The following ATM variants were observed in gnomAD, a reference collection of about 807,000 sequenced individuals.
ATM encodes the protein serine-protein kinase ATM.
Under a neutral mutation model 387.0 loss-of-function variants are expected in ATM, and 308 were observed. The ratio of observed to expected loss-of-function variants is 0.80; its 90% CI spans 0.73 to 0.87. The LOEUF is 0.87. Among genes scored for constraint, ATM ranks in the 40% least tolerant of loss-of-function variants. The probability of loss-of-function intolerance (pLI) is 0.00; values close to 1 mark genes in which losing one functional copy is unlikely to be tolerated. For missense variants in ATM, 3,312 were observed against 3,560.9 expected (o/e 0.93, Z 1.78); for synonymous variants, 1,156 against 1,187.3 (o/e 0.97, Z 0.54).
chr11:108,365,503 G>T lies in ATM; in HGVS notation c.9166G>T (p.Val3056Leu), dbSNP rs371767164. Residue 3056 changes from valine (V) to leucine (L), a missense_variant, in exon 63 of 63, where the codon GTG becomes TTG. By Grantham distance (32) the Val-to-Leu change is conservative. Coordinates refer to ENST00000675843, the MANE Select transcript of ATM (RefSeq NM_000051.4). ...SRLFPGWKAW[V>L] is the part of the protein sequence containing the mutation. ...ACTTTTCCCAGGATGGAAAGCTTGG[G>T]TGTGATCTTCAGTATATGAATTACC... The T allele has an allele frequency of 3.1e-6, 5 of 1,613,954 alleles. No individual in the cohort carries two copies. Among genetic ancestry groups the T allele is most frequent in the Non-Finnish European group, 4.2e-6 (5 of 1,179,990 alleles).
intron 16 of ATM, among the ~76,000 whole-genome samples, chr11:108,260,203 T>A (rs1017310908): frequency 6.6e-6 from 1 of 151,906 alleles, no homozygotes; most frequent in Non-Finnish European, 1.5e-5. Flanking sequence ...ACCGGCTAAT[T>A]TTTGTATTTT....
At position 108,235,773 on chromosome 11, in the gene ATM, A is replaced by G. The variant is rs775476710; in HGVS notation, c.435A>G (p.Leu145=). The G allele has an allele frequency of 6.2e-7, 1 of 1,613,766 alleles. No homozygotes were observed. Among genetic ancestry groups the G allele is most frequent in the Non-Finnish European group, 8.5e-7 (1 of 1,179,774 alleles). ...AIYGADCSNI[L]LKDILSVRKY... is the part of the protein sequence containing the mutation. ...ACGGAGCTGATTGTAGCAACATACT[A>G]CTCAAAGACATTCTTTCTGTGAGAA... is the stretch of plus-strand genomic sequence containing the variant. The change falls in exon 5 of 63, where the codon CTA becomes CTG. Residue 145 remains leucine, a synonymous_variant. Coordinates refer to ENST00000675843, the MANE Select transcript of ATM (RefSeq NM_000051.4).
chr11:108,257,205 G>A (rs1234463146), intron 14 of ATM, among the ~76,000 whole-genome samples: 1 of 152,044 alleles, frequency 6.6e-6, no homozygotes, highest in Non-Finnish European at 1.5e-5. Flanking sequence ...TTAATGATAG[G>A]CTGTAAGCAT....
At chr11:108,249,192 A>T in intron 9 of ATM, 90 bp downstream of exon 9, 1 of 1,444,598 alleles carries the variant, frequency 6.9e-7, no homozygotes. Flanking sequence ...TTTCATCTCA[A>T]CCAGAACTAA....
intron 37 of ATM, among the ~76,000 whole-genome samples, chr11:108,306,047 T>G (rs1380963151): frequency 6.6e-6 from 1 of 152,218 alleles, no homozygotes; most frequent in African/African-American, 2.4e-5. Context: ...AAGGTTGTGA[T>G]TACTCAGTTC....
At chr11:108,329,400 G>A in intron 49 of ATM, 162 bp downstream of exon 49, 1 of 708,294 alleles carries the variant, frequency 1.4e-6, no homozygotes, top group East Asian at 2.8e-5. Flanking sequence ...GTTCTTTTCG[G>A]TTTTTGTTTT....
At chr11:108,364,294 T>G (rs745463966) in intron 61 of ATM, among the ~76,000 whole-genome samples, 1 of 152,196 alleles carries the variant, frequency 6.6e-6, no homozygotes, top group African/African-American at 2.4e-5. Context: ...TTACTAAGAT[T>G]TGTAAGCATT....
At chr11:108,261,656 A>G (rs944174962) in intron 16 of ATM, among the ~76,000 whole-genome samples, 3 of 152,150 alleles carry the variant, frequency 2.0e-5, no homozygotes, top group Admixed American at 1.3e-4. Flanking sequence ...GAGCTGAGAG[A>G]AGAAGGCTTC....
At chr11:108,260,453 T>C (rs2080796107) in intron 16 of ATM, among the ~76,000 whole-genome samples, 1 of 152,224 alleles carries the variant, frequency 6.6e-6, no homozygotes, top group South Asian at 2.1e-4. Flanking sequence ...GTATGATGGA[T>C]GTAGGATAAT....
At chr11:108,280,779 C>T (rs960460954) in intron 23 of ATM, among the ~76,000 whole-genome samples, 2 of 152,154 alleles carry the variant, frequency 1.3e-5, no homozygotes, top group African/African-American at 4.8e-5. Flanking sequence ...TAGTGGAAAG[C>T]TCACATTTGT....
In ATM at chr11:108,281,124, A is replaced by C. The variant is rs1555091359; in HGVS notation, c.3532A>C (p.Lys1178Gln). The C allele has an allele frequency of 6.2e-7, 1 of 1,614,064 alleles. No homozygotes were observed. The highest frequency in any genetic ancestry group is 8.5e-7 in the Non-Finnish European group (1 of 1,179,980). The change falls in exon 24 of 63, where the codon AAA becomes CAA. Residue 1178 changes from lysine (K) to glutamine (Q), a missense_variant. This residue lies in a region of ATM where 1,791 missense variants were observed against 1,804.5 expected (regional missense o/e 0.99). Coordinates refer to ENST00000675843, the MANE Select transcript of ATM (RefSeq NM_000051.4). ...CEKQALFALC[K>Q]SVKENGLEPH... The stretch of plus-strand genomic sequence containing the variant: ...AAAACAGGCTTTGTTTGCCCTGTGT[A>C]AATCTGTGAAAGAGAATGGATTAGA...
chr11:108,315,389 A>T (rs2084533818), intron 40 of ATM, among the ~76,000 whole-genome samples: 1 of 152,168 alleles, frequency 6.6e-6, no homozygotes, highest in Non-Finnish European at 1.5e-5. Context: ...ATAAATTTTA[A>T]CTCTTTGTAA....
At chr11:108,315,024 T>C (rs1406407153) in intron 40 of ATM, among the ~76,000 whole-genome samples, 1 of 152,222 alleles carries the variant, frequency 6.6e-6, no homozygotes, top group Non-Finnish European at 1.5e-5. Context: ...CTCTGCATCT[T>C]GGAAGCACCT....
intron 48 of ATM, among the ~76,000 whole-genome samples, chr11:108,328,168 TC>T (rs2085872518): frequency 6.6e-6 from 1 of 152,220 alleles, no homozygotes; most frequent in African/African-American, 2.4e-5. Context: ...TCCCTCTTAT[TC>T]CTTTAGATTC....
chr11:108,367,400 G>T lies in ATM; in HGVS notation c.*1892G>T. 1 of 197,134 alleles carries T rather than the reference G, an allele frequency of 5.1e-6. No individual in the cohort carries two copies. The highest frequency in any genetic ancestry group is 7.9e-5 in the East Asian group (1 of 12,610). The allele number at this position is 197,134 out of a possible 1,614,324, so 12.2% of individuals were successfully genotyped here. On this transcript the variant is annotated 3_prime_UTR_variant, in exon 63 of 63. Transcript: ENST00000675843. The stretch of plus-strand genomic sequence containing the variant: ...GCATTTCTCTGTGTTCTGTTGGAAG[G>T]GAAGGGCTTAGGTATCTAGTTTGAT...
chr11:108,360,199 A>G (rs1486071058), intron 61 of ATM, among the ~76,000 whole-genome samples: 1 of 150,572 alleles, frequency 6.6e-6, no homozygotes, highest in East Asian at 2.0e-4. Context: ...AATCTAGAAG[A>G]AATGGATAAA....
Position 108,250,957 on chromosome 11 carries a change from G to C in ATM, c.1492G>C (p.Glu498Gln), listed in dbSNP as rs1555071060. ...WCITFRGISS[E>Q]QIQAENFGLL... Reference sequence around the variant, plus strand: ...TATTACCTTTCGTGGTATAAGTTCTGAGCAAATACAAGCTGAAAACTTTGG... The same window carrying C: ...TATTACCTTTCGTGGTATAAGTTCTCAGCAAATACAAGCTGAAAACTTTGG... The change falls in exon 10 of 63, where the codon GAG becomes CAG. Residue 498 changes from glutamate (E) to glutamine (Q), a missense_variant. Physicochemically the swap from Glu to Gln is conservative, Grantham distance 29. Around this residue, in one of 4 missense-constraint regions of ATM, gnomAD observed 1,791 missense variants for 1,804.5 expected, o/e 0.99. Coordinates refer to ENST00000675843, the MANE Select transcript of ATM (RefSeq NM_000051.4). 3 of 1,614,098 alleles carry C rather than the reference G, an allele frequency of 1.9e-6. No individual in the cohort carries two copies. The highest frequency in any genetic ancestry group is 1.7e-6 in the Non-Finnish European group (2 of 1,180,028).
At chr11:108,299,496 C>G (rs980887888) in intron 33 of ATM, 1 of 433,818 alleles carries the variant, frequency 2.3e-6, no homozygotes, top group Admixed American at 3.5e-5. Context: ...GGGGCTTTAC[C>G]ATGTTGGCCA....
chr11:108,253,886 T>G lies in ATM; in HGVS notation c.1971T>G (p.Phe657Leu), dbSNP rs1555073215. 1 of 1,614,098 alleles carries G rather than the reference T, an allele frequency of 6.2e-7. No individual in the cohort carries two copies. The change falls in exon 13 of 63, where the codon TTT (phenylalanine) becomes TTG (leucine). Residue 657 changes from phenylalanine (F) to leucine (L), a missense_variant. Physicochemically the swap from Phe to Leu is conservative, Grantham distance 22 (BLOSUM62 0). Transcript: ENST00000675843. ...EVEELFLQTT[F>L]DKMDFLTIVR... ...AAGAACTATTTCTTCAGACAACTTT[T>G]GACAAGATGGACTTTTTAACCATTG... is the stretch of plus-strand genomic sequence containing the variant.
Sources: allele counts gnomAD v4.1 joint callset (sites outside exome capture counted in the v4.1 genomes callset), GRCh38; gene constraint gnomAD v4.1.1; regional missense constraint gnomAD v4.1.1; transcripts MANE v1.5; gene names NCBI Gene and HGNC (gene_info 2026-07-23, HGNC 2026-07-21).